The following PATJ variants were observed in gnomAD, a reference collection of about 807,000 sequenced individuals.
PATJ encodes inaD-like protein.
In PATJ, 190 loss-of-function variants were observed where a neutral mutation model predicts 224.9. The ratio of observed to expected loss-of-function variants is 0.84; its 90% CI spans 0.75 to 0.95. PATJ has a LOEUF of 0.95. PATJ is among the 40% of genes least tolerant of loss of function. PATJ has a pLI of 0.00. For synonymous variants in PATJ, 769 were observed against 820.3 expected (o/e 0.94, Z 1.07); for missense variants, 2,121 against 2,270.3 (o/e 0.93, Z 1.34).
At chr1:62,068,268 AC>A (rs1352693094) in intron 31 of PATJ, among the ~76,000 whole-genome samples, 1 of 152,184 alleles carries the variant, frequency 6.6e-6, no homozygotes, top group Admixed American at 6.5e-5. Flanking sequence ...TCTCAATTTG[AC>A]ATTACTTAGA....
intron 6 of PATJ, 133 bp downstream of exon 6, chr1:61,771,759 G>A (rs1433950800): frequency 2.0e-5 from 13 of 658,632 alleles, no homozygotes; most frequent in Non-Finnish European, 3.1e-5. Flanking sequence ...CGCTCTTGTT[G>A]CCCAGGCTGG....
At chr1:62,032,769 C>T (rs1345990896) in intron 29 of PATJ, among the ~76,000 whole-genome samples, 1 of 152,106 alleles carries the variant, frequency 6.6e-6, no homozygotes, top group Non-Finnish European at 1.5e-5. Flanking sequence ...TCTCACACTG[C>T]TATGAAAATA....
intron 33 of PATJ, among the ~76,000 whole-genome samples, chr1:62,106,227 T>G (rs1663030650): frequency 7.8e-6 from 1 of 128,602 alleles, no homozygotes; most frequent in South Asian, 3.0e-4. Flanking sequence ...TCCAGCACTT[T>G]GGGAGGCCAA....
At chr1:62,090,831 G>A (rs1326295371) in intron 33 of PATJ, among the ~76,000 whole-genome samples, 1 of 152,078 alleles carries the variant, frequency 6.6e-6, no homozygotes, top group Non-Finnish European at 1.5e-5. Context: ...CCTCCCTGAT[G>A]TCCTTCAATG....
intron 31 of PATJ, among the ~76,000 whole-genome samples, chr1:62,056,936 C>T (rs914702517): frequency 9.2e-5 from 14 of 152,168 alleles, no homozygotes; most frequent in Admixed American, 4.6e-4. Context: ...AAGCAGTTCT[C>T]GTTCCTTAGC....
chr1:61,765,044 C>A (rs369842698), intron 3 of PATJ, among the ~76,000 whole-genome samples: 1 of 31,782 alleles, frequency 3.1e-5, no homozygotes, highest in South Asian at 1.1e-3. Flanking sequence ...TTTATTTTTT[C>A]TTTGAGGTTT....
At chr1:62,081,457 G>C (rs1659269654) in intron 32 of PATJ, among the ~76,000 whole-genome samples, 1 of 152,104 alleles carries the variant, frequency 6.6e-6, no homozygotes. Flanking sequence ...CAAACGTGGA[G>C]GAGGGAAAAG....
chr1:62,100,125 A>C (rs1294536611), intron 33 of PATJ, among the ~76,000 whole-genome samples: 2 of 152,156 alleles, frequency 1.3e-5, no homozygotes, highest in Non-Finnish European at 2.9e-5. Flanking sequence ...GGTTCTCTTA[A>C]ATTGCTCTCT....
intron 7 of PATJ, among the ~76,000 whole-genome samples, chr1:61,778,409 A>G (rs1423675514): frequency 6.6e-6 from 1 of 152,198 alleles, no homozygotes. Context: ...GGATTTTAAT[A>G]AAATAGTGTC....
chr1:62,002,709 C>CAAAAA (rs766357883), intron 28 of PATJ, among the ~76,000 whole-genome samples: 1 of 112,790 alleles, frequency 8.9e-6, no homozygotes, highest in Admixed American at 9.8e-5. Context: ...AACTCTGTCT[C>CAAAAA]AAAAAAAAAA....
intron 31 of PATJ, among the ~76,000 whole-genome samples, chr1:62,060,847 A>T (rs1655303608): frequency 1.3e-5 from 2 of 152,018 alleles, no homozygotes. Flanking sequence ...AGACCTTTCA[A>T]CTTTTATTTT....
intron 20 of PATJ, among the ~76,000 whole-genome samples, chr1:61,870,969 A>C (rs779979074): frequency 6.6e-6 from 1 of 151,534 alleles, no homozygotes; most frequent in Non-Finnish European, 1.5e-5. Flanking sequence ...ACAATTAGTG[A>C]TATTGAGCAT....
intron 6 of PATJ, 50 bp downstream of exon 6, chr1:61,771,676 C>G: frequency 7.7e-7 from 1 of 1,307,058 alleles, no homozygotes; most frequent in Non-Finnish European, 1.0e-6. Context: ...TGCCATTGAT[C>G]GTAAGAAGTG....
intron 30 of PATJ, among the ~76,000 whole-genome samples, chr1:62,047,726 CACTT>C (rs1558091311): frequency 6.6e-6 from 1 of 152,196 alleles, no homozygotes; most frequent in Non-Finnish European, 1.5e-5. Flanking sequence ...CTGTTTCTAA[CACTT>C]ACATTACCAC....
At chr1:61,879,833 A>ATTTTTTTT (rs11386909) in intron 21 of PATJ, among the ~76,000 whole-genome samples, 4 of 145,592 alleles carry the variant, frequency 2.7e-5, no homozygotes, top group African/African-American at 2.5e-5. Flanking sequence ...TACTCCATCT[A>ATTTTTTTT]TTTTTTTTTT....
intron 31 of PATJ, among the ~76,000 whole-genome samples, chr1:62,071,674 G>A (rs1054910803): frequency 1.3e-5 from 2 of 151,922 alleles, no homozygotes; most frequent in African/African-American, 2.4e-5. Flanking sequence ...TACAGACGGG[G>A]TTTTGCCATA....
At chr1:62,014,222 T>A (rs1410015375) in intron 28 of PATJ, among the ~76,000 whole-genome samples, 1 of 151,958 alleles carries the variant, frequency 6.6e-6, no homozygotes, top group East Asian at 1.9e-4. Context: ...CATAACTGGT[T>A]AACTTTTTAT....
intron 16 of PATJ, among the ~76,000 whole-genome samples, chr1:61,830,093 T>C (rs1017194496): frequency 1.3e-5 from 2 of 152,168 alleles, no homozygotes; most frequent in African/African-American, 4.8e-5. Flanking sequence ...CCAATCCTAA[T>C]TTAAAAAATG....
chr1:62,113,147 G>T (rs1664052738), intron 34 of PATJ, among the ~76,000 whole-genome samples: 1 of 152,122 alleles, frequency 6.6e-6, no homozygotes. Context: ...GGAAACAGAG[G>T]CTCAGAGATT....
Sources: allele counts gnomAD v4.1 joint callset (sites outside exome capture counted in the v4.1 genomes callset), GRCh38; gene constraint gnomAD v4.1.1; transcripts MANE v1.5; gene names NCBI Gene and HGNC (gene_info 2026-07-23, HGNC 2026-07-21).